HS6ST2: variants seen among roughly 807,000 people sequenced by gnomAD.
HS6ST2 encodes heparan-sulfate 6-O-sulfotransferase 2.
HS6ST2 carries 17 observed loss-of-function variants against 33.0 expected under a neutral mutation model. That is an observed-to-expected ratio of 0.52 (90% CI 0.35 to 0.77). The LOEUF (loss-of-function observed/expected upper bound fraction) is 0.77, where lower values mean the gene tolerates loss of function less well. Among genes scored for constraint, HS6ST2 ranks in the 30% least tolerant of loss-of-function variants. The probability of loss-of-function intolerance (pLI) is 0.01; values close to 1 mark genes in which losing one functional copy is unlikely to be tolerated. For missense variants in HS6ST2, 519 were observed against 551.7 expected (o/e 0.94, Z 0.59); for synonymous variants, 248 against 237.1 (o/e 1.05, Z -0.42).
intron 2 of HS6ST2, among the ~76,000 whole-genome samples, chrX:132,813,115 A>G (rs1025103752): frequency 8.9e-6 from 1 of 111,859 alleles, no homozygotes; most frequent in African/African-American, 3.2e-5. Context: ...TCCATTCCTC[A>G]TTCAGTTTCC....
chrX:132,944,821 A>G (rs1368630272), intron 2 of HS6ST2, among the ~76,000 whole-genome samples: 10 of 110,588 alleles, frequency 9.0e-5, no homozygotes, highest in Non-Finnish European at 1.9e-4. Context: ...CTGAAACTGG[A>G]TCCCTTCCTT....
chrX:132,926,253 C>T (rs1406014142), intron 2 of HS6ST2, among the ~76,000 whole-genome samples: 3 of 112,523 alleles, frequency 2.7e-5, no homozygotes, highest in African/African-American at 9.7e-5. Context: ...TTCCGGTGTA[C>T]ACACTTCATG....
At chrX:132,793,662 A>G (rs1455197394) in intron 2 of HS6ST2, among the ~76,000 whole-genome samples, 1 of 112,134 alleles carries the variant, frequency 8.9e-6, no homozygotes, top group Non-Finnish European at 1.9e-5. Flanking sequence ...AGCATGGTGT[A>G]CAGATGTCAA....
intron 2 of HS6ST2, among the ~76,000 whole-genome samples, chrX:132,797,185 A>G (rs1257057419): frequency 8.9e-6 from 1 of 111,799 alleles, no homozygotes; most frequent in Non-Finnish European, 1.9e-5. Flanking sequence ...AAAAAGACAC[A>G]AAGATTCAAT....
chrX:132,883,958 A>T (rs148619544), intron 2 of HS6ST2, among the ~76,000 whole-genome samples: 135 of 111,910 alleles, frequency 1.2e-3, no homozygotes, highest in African/African-American at 4.3e-3. Flanking sequence ...CTTGATGTTA[A>T]ATGTTAATTT....
chrX:132,737,168 C>T (rs918618231), intron 2 of HS6ST2, among the ~76,000 whole-genome samples: 1 of 110,763 alleles, frequency 9.0e-6, no homozygotes, highest in African/African-American at 3.3e-5. Flanking sequence ...TGTGGGGAGT[C>T]GAGCAAAAAA....
chrX:132,944,674 G>T (rs2066926474), intron 2 of HS6ST2, among the ~76,000 whole-genome samples: 1 of 110,981 alleles, frequency 9.0e-6, no homozygotes, highest in African/African-American at 3.3e-5. Flanking sequence ...CAATGGAACA[G>T]AACAGAGCCC....
chrX:132,709,336 T>C (rs1438045612), intron 2 of HS6ST2, among the ~76,000 whole-genome samples: 1 of 112,464 alleles, frequency 8.9e-6, no homozygotes, highest in African/African-American at 3.2e-5. Context: ...AAGTGGGCTA[T>C]ATAGCCTGTG....
At chrX:132,727,121 GAAAT>G (rs2064400154) in intron 2 of HS6ST2, among the ~76,000 whole-genome samples, 1 of 108,868 alleles carries the variant, frequency 9.2e-6, no homozygotes, top group South Asian at 4.1e-4. Flanking sequence ...AGGTTCATTT[GAAAT>G]AAATAACCTT....
chrX:132,957,025 G>A lies in HS6ST2; in HGVS notation c.730C>T (p.Arg244Cys). Residue 244 changes from arginine (R) to cysteine (C), a missense_variant, in exon 2 of 5, where the codon CGC becomes TGC. Coordinates refer to ENST00000370833, the MANE Select transcript of HS6ST2 (RefSeq NM_001394073.1). The stretch of plus-strand genomic sequence containing the variant: ...AGCTGGATGTTACGCACCAAGTGGC[G>A]GCCGAAAGTGGTGCCCCCGGTCTTC... ...IQKTGGTTFG[R>C]HLVRNIQLEQ... The A allele has an allele frequency of 8.3e-7, 1 of 1,211,632 alleles. No individual in the cohort carries two copies. The highest frequency in any genetic ancestry group is 1.1e-6 in the Non-Finnish European group (1 of 895,356).
chrX:132,856,707 T>C (rs1377252933), intron 2 of HS6ST2, among the ~76,000 whole-genome samples: 4 of 111,113 alleles, frequency 3.6e-5, no homozygotes, highest in Non-Finnish European at 7.5e-5. Flanking sequence ...AAAAGAAAGA[T>C]GTAAAAACAA....
At chrX:132,895,066 G>A (rs1008943755) in intron 2 of HS6ST2, among the ~76,000 whole-genome samples, 7 of 111,731 alleles carry the variant, frequency 6.3e-5, no homozygotes, top group East Asian at 2.8e-4. Flanking sequence ...TTTTTGTCTC[G>A]CAGTTCAAAT....
intron 3 of HS6ST2, among the ~76,000 whole-genome samples, chrX:132,673,366 T>C (rs1239895860): frequency 8.9e-6 from 1 of 112,418 alleles, no homozygotes; most frequent in Non-Finnish European, 1.9e-5. Context: ...TGGTGACACA[T>C]GTCACATATC....
chrX:132,944,078 T>C (rs2066915934), intron 2 of HS6ST2, among the ~76,000 whole-genome samples: 1 of 111,669 alleles, frequency 9.0e-6, no homozygotes, highest in Non-Finnish European at 1.9e-5. Context: ...TGTCCCTGTT[T>C]GCAGATGACA....
At chrX:132,894,294 C>A (rs1467521128) in intron 2 of HS6ST2, among the ~76,000 whole-genome samples, 2 of 104,683 alleles carry the variant, frequency 1.9e-5, no homozygotes, top group African/African-American at 7.0e-5. Flanking sequence ...GCATGCGCCA[C>A]CACGCCCGGC....
intron 2 of HS6ST2, among the ~76,000 whole-genome samples, chrX:132,949,783 ATATTC>A (rs2066992329): frequency 8.9e-6 from 1 of 111,774 alleles, no homozygotes; most frequent in African/African-American, 3.3e-5. Context: ...AGATCTATTT[ATATTC>A]TATTATTTTT....
intron 2 of HS6ST2, among the ~76,000 whole-genome samples, chrX:132,739,841 T>C (rs1389538078): frequency 2.7e-5 from 3 of 112,143 alleles, no homozygotes; most frequent in Non-Finnish European, 5.6e-5. Flanking sequence ...AAATATTTGC[T>C]AAGAACATGA....
At chrX:132,919,061 G>A (rs1371455479) in intron 2 of HS6ST2, among the ~76,000 whole-genome samples, 1 of 111,711 alleles carries the variant, frequency 9.0e-6, no homozygotes, top group Non-Finnish European at 1.9e-5. Flanking sequence ...TTCTGGTTTG[G>A]CAGTGGCAGA....
chrX:132,871,423 T>C (rs1429342758), intron 2 of HS6ST2, among the ~76,000 whole-genome samples: 1 of 111,956 alleles, frequency 8.9e-6, no homozygotes, highest in African/African-American at 3.2e-5. Flanking sequence ...AGCAATCCCA[T>C]TACTGGGTAT....
Sources: allele counts gnomAD v4.1 joint callset (sites outside exome capture counted in the v4.1 genomes callset), GRCh38; gene constraint gnomAD v4.1.1; transcripts MANE v1.5; gene names NCBI Gene and HGNC (gene_info 2026-07-23, HGNC 2026-07-21).